ARAP2: variants seen among roughly 807,000 people sequenced by gnomAD.
The protein encoded by ARAP2 is arf-GAP with Rho-GAP domain, ANK repeat and PH domain-containing protein 2.
ARAP2 carries 148 observed loss-of-function variants against 194.5 expected under a neutral mutation model. The ratio of observed to expected loss-of-function variants is 0.76; its 90% CI spans 0.67 to 0.87. The LOEUF (loss-of-function observed/expected upper bound fraction) is 0.87. Among genes scored for constraint, ARAP2 ranks in the 40% least tolerant of loss-of-function variants. The pLI is 0.00. For synonymous variants in ARAP2, 695 were observed against 683.5 expected (o/e 1.02, Z -0.26); for missense variants, 2,128 against 1,989.7 (o/e 1.07, Z -1.32).
At chr4:36,051,980 CT>C (rs2109252282) in intron 3 of ARAP2, 1 of 152,280 alleles carries the variant, frequency 6.6e-6, no homozygotes, top group East Asian at 1.9e-4. Context: ...TTTATATGCT[CT>C]TCTGACACCT....
At chr4:36,159,222 T>C in intron 14 of ARAP2, 109 bp downstream of exon 14, 2 of 1,207,168 alleles carry the variant, frequency 1.7e-6, no homozygotes, top group Non-Finnish European at 2.2e-6. Context: ...TAATTACATT[T>C]TTCTTCATTC....
In ARAP2 at chr4:36,244,251, C is replaced by G. The variant is rs2109401263; in HGVS notation, c.-232G>C. The G allele has an allele frequency of 6.6e-6, 1 of 152,106 alleles. No homozygotes were observed. The highest frequency in any genetic ancestry group is 2.0e-4 in the East Asian group (1 of 5,116). The allele number at this position is 152,106 out of a possible 1,614,324, so 9.4% of individuals were successfully genotyped here. On this transcript the variant is annotated 5_prime_UTR_variant, in exon 1 of 33. Transcript: ENST00000303965. ...GGAAGCTCAGCGCCGGCGTCTCTCC[C>G]AGCCTTGGGCGCTCGGTCCTCGCCC...
rs562345792 is a variant in ARAP2, at chr4:36,209,229, T to C, written c.1487+1161A>G. ...AAGAATATTCAAGTTCACTGATTCA[T>C]TCCACTAGTGTTTAGACCTGAGCAC... On this transcript the variant is annotated intron_variant, in intron 6 of 32. Coordinates refer to ENST00000303965, the MANE Select transcript of ARAP2 (RefSeq NM_015230.4). The C allele has an allele frequency of 3.3e-5, 7 of 209,816 alleles. No homozygotes were observed. In the South Asian group the frequency reaches 4.1e-4, roughly 12 times the overall value. The allele number at this position is 209,816 out of a possible 1,614,324, so 13.0% of individuals were successfully genotyped here. A position where few individuals can be genotyped will look rare whatever the true frequency, so the allele number is the denominator to read the frequency against.
intron 5 of ARAP2, among the ~76,000 whole-genome samples, chr4:36,039,466 C>T (rs958135986): frequency 6.6e-6 from 1 of 152,134 alleles, no homozygotes; most frequent in Admixed American, 6.5e-5. Context: ...GGACCACTGG[C>T]GGTTAACCTA....
Position 36,068,152 on chromosome 4 carries a change from G to C in ARAP2, c.4870C>G (p.Arg1624Gly). ...CTCCGATGTTTTCGGGGTCGATTTC[G>C]AAGTTTATCGTCCTTGTGCTCCAGG... is the stretch of plus-strand genomic sequence containing the variant. ...HCLEHKDDKL[R>G]NRPRKHRSFN... Residue 1624 changes from arginine to glycine, a missense_variant, in exon 33 of 33, where the codon CGA becomes GGA. Arg to Gly is a moderately radical substitution (Grantham distance 125, BLOSUM62 -2). Transcript: ENST00000303965. 6.2e-7 allele frequency: 1 copy of C among 1,613,812 alleles called. No individual in the cohort carries two copies. The highest frequency in any genetic ancestry group is 1.1e-5 in the South Asian group (1 of 91,062).
intron 5 of ARAP2, among the ~76,000 whole-genome samples, chr4:36,019,945 T>C (rs570330297): frequency 2.6e-5 from 4 of 152,322 alleles, no homozygotes; most frequent in East Asian, 1.9e-4. Flanking sequence ...ACCCTATATA[T>C]ACTATGTTTT....
intron 28 of ARAP2, among the ~76,000 whole-genome samples, chr4:36,087,140 C>T (rs1712095641): frequency 6.6e-6 from 1 of 152,014 alleles, no homozygotes; most frequent in African/African-American, 2.4e-5. Flanking sequence ...GGATATTTTA[C>T]TGTTGATAAT....
intron 19 of ARAP2, among the ~76,000 whole-genome samples, chr4:36,146,967 T>A (rs1043659735): frequency 6.6e-6 from 1 of 152,088 alleles, no homozygotes; most frequent in East Asian, 1.9e-4. Flanking sequence ...TTTATAGTCA[T>A]CATATTCTTA....
At chr4:36,028,733 T>A (rs369174318) in intron 5 of ARAP2, among the ~76,000 whole-genome samples, 6 of 152,044 alleles carry the variant, frequency 3.9e-5, no homozygotes, top group East Asian at 1.9e-4. Context: ...TATTTTTCTC[T>A]TACTAATTTT....
chr4:36,156,490 A>G (rs1286132623), intron 15 of ARAP2, among the ~76,000 whole-genome samples: 3 of 116,598 alleles, frequency 2.6e-5, no homozygotes, highest in Admixed American at 1.7e-4. Context: ...AAAGAAAGAA[A>G]AAGGAAGGAA....
At chr4:36,021,305 T>C (rs35350712) in intron 5 of ARAP2, among the ~76,000 whole-genome samples, 11,593 of 152,242 alleles carry the variant, frequency 0.076, 579 homozygotes, top group Middle Eastern at 0.19. Context: ...AAAAAAATCA[T>C]AGGATATAAT....
At chr4:36,181,627 T>C (rs987575106) in intron 8 of ARAP2, among the ~76,000 whole-genome samples, 6 of 152,346 alleles carry the variant, frequency 3.9e-5, no homozygotes, top group Non-Finnish European at 8.8e-5. Context: ...TCCTGATCAA[T>C]ATCAGAGAAG....
chr4:36,214,524 T>C (rs767927306), intron 2 of ARAP2, 44 bp from the exon 3 acceptor site: 2 of 1,252,194 alleles, frequency 1.6e-6, no homozygotes, highest in Non-Finnish European at 2.2e-6. Flanking sequence ...AAAATATTTA[T>C]GATATTTATG....
chr4:36,135,497 C>A (rs191745541), intron 19 of ARAP2, among the ~76,000 whole-genome samples: 24 of 151,792 alleles, frequency 1.6e-4, no homozygotes, highest in Non-Finnish European at 3.1e-4. Flanking sequence ...TCTATTGTTT[C>A]TATTTTCCAC....
intron 22 of ARAP2, among the ~76,000 whole-genome samples, chr4:36,123,044 CA>C (rs1256932998): frequency 6.6e-6 from 1 of 151,782 alleles, no homozygotes; most frequent in Admixed American, 6.6e-5. Flanking sequence ...GGTGCAAGTG[CA>C]ATCATCACAC....
intron 15 of ARAP2, among the ~76,000 whole-genome samples, chr4:36,153,616 T>C (rs1731528224): frequency 6.6e-6 from 1 of 152,158 alleles, no homozygotes; most frequent in Admixed American, 6.5e-5. Context: ...AAGAAAAACA[T>C]TACGACAGGA....
At chr4:36,014,284 A>G (rs1485611003) in intron 8 of ARAP2, among the ~76,000 whole-genome samples, 9 of 134,450 alleles carry the variant, frequency 6.7e-5, no homozygotes, top group Non-Finnish European at 8.2e-5. Context: ...AAAGAAAGAA[A>G]GAAAGAAAGA....
intron 15 of ARAP2, among the ~76,000 whole-genome samples, chr4:36,152,337 T>A (rs1338600581): frequency 6.6e-6 from 1 of 152,004 alleles, no homozygotes; most frequent in East Asian, 1.9e-4. Flanking sequence ...TAGATAAAAA[T>A]CATGAAAAGC....
intron 27 of ARAP2, among the ~76,000 whole-genome samples, chr4:36,101,320 T>C (rs1205678275): frequency 2.6e-5 from 4 of 151,784 alleles, no homozygotes; most frequent in Admixed American, 1.3e-4. Flanking sequence ...CATCCTTCTA[T>C]CATTAAATTA....
Sources: gnomAD v4.1 joint callset for allele counts (sites outside exome capture counted in the v4.1 genomes callset) on GRCh38, gnomAD v4.1.1 for gene constraint, MANE v1.5 for transcripts, NCBI Gene and HGNC (gene_info 2026-07-23, HGNC 2026-07-21) for gene names.